The following FHDC1 variants were observed in gnomAD, a reference collection of about 807,000 sequenced individuals.
The protein encoded by FHDC1 is FH2 domain containing 1.
Under a neutral mutation model 52.6 loss-of-function variants are expected in FHDC1, and 25 were observed. The observed-to-expected ratio is 0.48, with a 90% CI of 0.35 to 0.66. The LOEUF (loss-of-function observed/expected upper bound fraction) is 0.66, where lower values mean the gene tolerates loss of function less well. Among genes scored for constraint, FHDC1 ranks in the 30% least tolerant of loss-of-function variants. The pLI, the probability that FHDC1 is intolerant of heterozygous loss-of-function variation, is 0.01. For missense variants in FHDC1, 1,459 were observed against 1,452.8 expected (o/e 1.00, Z -0.07); for synonymous variants, 616 against 581.5 (o/e 1.06, Z -0.85).
Position 152,951,814 on chromosome 4 carries a change from G to A in FHDC1, c.499-1685G>A, listed in dbSNP as rs373538748. Among the ~76,000 whole-genome samples, 254 of 152,256 alleles carry A rather than the reference G, an allele frequency of 1.7e-3. 13 individuals are homozygous for A. In the South Asian group the frequency reaches 0.05, roughly 30 times the overall value. On this transcript the variant is annotated intron_variant, in intron 2 of 11. Coordinates refer to ENST00000511601, the MANE Select transcript of FHDC1 (RefSeq NM_001371116.1). ...CAGGTTATCTTTCCTCCACGCAGCC[G>A]GGATGTTTACATCCAGAGACAGAAA...
intron 9 of FHDC1, among the ~76,000 whole-genome samples, chr4:152,966,997 G>C (rs1217628914): frequency 1.3e-5 from 2 of 152,150 alleles, no homozygotes; most frequent in African/African-American, 4.8e-5. Flanking sequence ...GCGCACACCT[G>C]TGATCCCAAT....
At chr4:152,941,148 T>C (rs978318523) in intron 1 of FHDC1, among the ~76,000 whole-genome samples, 1 of 152,226 alleles carries the variant, frequency 6.6e-6, no homozygotes, top group Non-Finnish European at 1.5e-5. Flanking sequence ...TTTCCTCCCA[T>C]ATAGAGGCAG....
upstream of FHDC1, among the ~76,000 whole-genome samples, chr4:152,932,772 C>T (rs1039819308): frequency 4.6e-5 from 7 of 152,156 alleles, no homozygotes; most frequent in African/African-American, 7.2e-5. Flanking sequence ...ACTCCTTAAG[C>T]GAATACTAAA....
At chr4:152,973,351 C>G (rs569935938) in intron 11 of FHDC1, among the ~76,000 whole-genome samples, 2 of 152,172 alleles carry the variant, frequency 1.3e-5, no homozygotes, top group Non-Finnish European at 1.5e-5. Context: ...TCTCTCAAGC[C>G]CAGAATTGCT....
intron 2 of FHDC1, among the ~76,000 whole-genome samples, chr4:152,946,985 G>A (rs1359782757): frequency 2.0e-5 from 3 of 152,202 alleles, no homozygotes; most frequent in East Asian, 1.9e-4. Flanking sequence ...GTGGGAGGTC[G>A]AGGCAGGCAG....
the FHDC1 span, among the ~76,000 whole-genome samples, chr4:152,912,833 T>C: frequency 1.3e-5 from 2 of 152,182 alleles, no homozygotes; most frequent in Non-Finnish European, 2.9e-5. Flanking sequence ...ATCCCAAAGC[T>C]TCCAAATCTT....
At chr4:152,961,500 G>C (rs775346370) in intron 6 of FHDC1, among the ~76,000 whole-genome samples, 1 of 152,152 alleles carries the variant, frequency 6.6e-6, no homozygotes. Context: ...GTCTCCTTCC[G>C]GAGGGGTGGG....
chr4:152,925,930 A>T, the FHDC1 span, among the ~76,000 whole-genome samples: 1 of 152,008 alleles, frequency 6.6e-6, no homozygotes, highest in Non-Finnish European at 1.5e-5. Context: ...AGAAGAAACC[A>T]GGTAACATAA....
chr4:152,938,185 A>C (rs1246554774), intron 1 of FHDC1, among the ~76,000 whole-genome samples: 5 of 135,030 alleles, frequency 3.7e-5, no homozygotes, highest in Non-Finnish European at 6.3e-5. Flanking sequence ...TTTGGCACGC[A>C]TGTGCTTTTT....
chr4:152,925,839 A>G, the FHDC1 span, among the ~76,000 whole-genome samples: 2 of 143,820 alleles, frequency 1.4e-5, no homozygotes, highest in African/African-American at 2.5e-5. Context: ...AGGGAGAAGG[A>G]GAAGAAGGAG....
At chr4:152,962,701 G>A (rs1445847678) in intron 6 of FHDC1, 113 bp from the exon 7 acceptor site, 2 of 810,374 alleles carry the variant, frequency 2.5e-6, no homozygotes, top group Admixed American at 2.1e-5. Context: ...TTTATATACA[G>A]TTTAAGGTCA....
chr4:152,954,879 C>T (rs964168064), intron 4 of FHDC1, among the ~76,000 whole-genome samples: 1 of 152,104 alleles, frequency 6.6e-6, no homozygotes, highest in African/African-American at 2.4e-5. Flanking sequence ...AGGTTCTTAA[C>T]TCCTGTGAAC....
upstream of FHDC1, among the ~76,000 whole-genome samples, chr4:152,935,167 T>A (rs756770164): frequency 3.6e-4 from 54 of 152,048 alleles, no homozygotes; most frequent in Non-Finnish European, 5.7e-4. Context: ...TTGATTGGTT[T>A]GTTTACACTA....
upstream of FHDC1, among the ~76,000 whole-genome samples, chr4:152,935,202 G>C (rs1361928290): frequency 1.3e-5 from 2 of 152,182 alleles, no homozygotes; most frequent in Non-Finnish European, 2.9e-5. Flanking sequence ...TCGATCCAAG[G>C]CTTGACCAAG....
chr4:152,926,800 T>A, the FHDC1 span, among the ~76,000 whole-genome samples: 104 of 145,424 alleles, frequency 7.2e-4, no homozygotes, highest in Admixed American at 5.7e-3. Context: ...TCAAACCCAA[T>A]GGGAAAAAAA....
chr4:152,961,411 G>A (rs1740278307), intron 6 of FHDC1, among the ~76,000 whole-genome samples: 1 of 152,188 alleles, frequency 6.6e-6, no homozygotes, highest in Non-Finnish European at 1.5e-5. Context: ...GGGCAGATAG[G>A]CCATTTTCAT....
At chr4:152,930,147 C>T in the FHDC1 span, among the ~76,000 whole-genome samples, 1 of 152,224 alleles carries the variant, frequency 6.6e-6, no homozygotes. Context: ...AATGCAGAAA[C>T]GTGTTCACCT....
intron 2 of FHDC1, among the ~76,000 whole-genome samples, chr4:152,949,124 TAAGAAG>T (rs201070214): frequency 0.022 from 1,648 of 74,590 alleles, 22 homozygotes; most frequent in South Asian, 0.038. Flanking sequence ...ATAATAATAA[TAAGAAG>T]AAGAAGAAGA....
the FHDC1 span, among the ~76,000 whole-genome samples, chr4:152,914,130 A>G: frequency 2.0e-5 from 3 of 152,204 alleles, no homozygotes; most frequent in Admixed American, 6.5e-5. Flanking sequence ...CATTATTTCA[A>G]AGCTTTCCCA....
Sources: gnomAD v4.1 joint callset for allele counts (sites outside exome capture counted in the v4.1 genomes callset) on GRCh38, gnomAD v4.1.1 for gene constraint, MANE v1.5 for transcripts, NCBI Gene and HGNC (gene_info 2026-07-23, HGNC 2026-07-21) for gene names.